Variants in SLC4A10 observed in about 807,000 individuals in gnomAD.
SLC4A10 encodes solute carrier family 4 member 10.
In SLC4A10, 42 loss-of-function variants were observed where a neutral mutation model predicts 137.7. That is an observed-to-expected ratio of 0.30 (90% confidence interval 0.24 to 0.39). The LOEUF (loss-of-function observed/expected upper bound fraction) is 0.39, where lower values mean the gene tolerates loss of function less well. Among genes scored for constraint, SLC4A10 ranks in the 10% least tolerant of loss-of-function variants. The pLI, the probability that SLC4A10 is intolerant of heterozygous loss-of-function variation, is 1.00. For missense variants in SLC4A10, 925 were observed against 1,355.0 expected, an observed-to-expected ratio of 0.68 and a Z score of 4.98; for synonymous variants, 474 against 464.1, an observed-to-expected ratio of 1.02 and a Z score of -0.27.
intron 2 of SLC4A10, among the ~76,000 whole-genome samples, chr2:161,792,033 G>A (rs2054264031): frequency 6.6e-6 from 1 of 152,080 alleles, no homozygotes; most frequent in Non-Finnish European, 1.5e-5. Flanking sequence ...AACTCATATT[G>A]TTAATCTCCC....
chr2:161,861,611 C>T (rs2060438570), intron 5 of SLC4A10, among the ~76,000 whole-genome samples: 1 of 152,080 alleles, frequency 6.6e-6, no homozygotes, highest in African/African-American at 2.4e-5. Context: ...CATATTGAAA[C>T]CACCACAAAT....
intron 24 of SLC4A10, among the ~76,000 whole-genome samples, chr2:161,976,510 A>T (rs1699401752): frequency 6.6e-6 from 1 of 152,222 alleles, no homozygotes; most frequent in African/African-American, 2.4e-5. Flanking sequence ...TTTATAGGAT[A>T]AAAAGAGTTC....
chr2:161,716,264 T>G (rs769093453), intron 1 of SLC4A10, among the ~76,000 whole-genome samples: 1 of 152,084 alleles, frequency 6.6e-6, no homozygotes, highest in Non-Finnish European at 1.5e-5. Flanking sequence ...TGCAAAAATC[T>G]CCCATTCTGT....
intron 1 of SLC4A10, among the ~76,000 whole-genome samples, chr2:161,676,496 A>G (rs185031177): frequency 6.6e-6 from 1 of 152,162 alleles, no homozygotes; most frequent in East Asian, 1.9e-4. Flanking sequence ...ATATTTGGTT[A>G]TCTTTTCTAT....
At chr2:161,670,486 T>TCTTCCTGTATCTCAGGTTTTGAGTC (rs1475905245) in intron 1 of SLC4A10, among the ~76,000 whole-genome samples, 2 of 152,042 alleles carry the variant, frequency 1.3e-5, no homozygotes, top group African/African-American at 4.8e-5. Flanking sequence ...ATCCTTCACT[T>TCTTCCTGTATCTCAGGTTTTGAGTC]CTTCCTGTAT....
intron 6 of SLC4A10, among the ~76,000 whole-genome samples, chr2:161,867,929 C>A (rs183967516): frequency 5.3e-5 from 8 of 151,802 alleles, no homozygotes; most frequent in Admixed American, 4.6e-4. Context: ...ACTCTAAATG[C>A]GTTGAAGGTT....
chr2:161,700,690 G>A (rs1201704423), intron 1 of SLC4A10, among the ~76,000 whole-genome samples: 1 of 152,088 alleles, frequency 6.6e-6, no homozygotes, highest in Admixed American at 6.6e-5. Context: ...CTTAAGGTTG[G>A]AAGCTCAAGC....
intron 2 of SLC4A10, among the ~76,000 whole-genome samples, chr2:161,772,155 A>T (rs2051700638): frequency 2.0e-5 from 3 of 151,856 alleles, no homozygotes; most frequent in Admixed American, 2.0e-4. Flanking sequence ...GGGCCTATTG[A>T]TTTCCTATGC....
At chr2:161,768,728 C>G (rs1314477311) in intron 1 of SLC4A10, among the ~76,000 whole-genome samples, 3 of 152,088 alleles carry the variant, frequency 2.0e-5, no homozygotes, top group Non-Finnish European at 2.9e-5. Context: ...CTGAATCAGA[C>G]TATTCTGATT....
intron 4 of SLC4A10, among the ~76,000 whole-genome samples, chr2:161,851,515 T>C (rs2059834305): frequency 6.6e-6 from 1 of 152,204 alleles, no homozygotes; most frequent in African/African-American, 2.4e-5. Flanking sequence ...CATTCTTTTC[T>C]GAAATAAAAA....
chr2:161,853,566 G>T (rs777668176), intron 4 of SLC4A10, among the ~76,000 whole-genome samples: 14 of 152,194 alleles, frequency 9.2e-5, no homozygotes, highest in Admixed American at 6.5e-5. Flanking sequence ...GTTATGACAT[G>T]ATATGACCAT....
chr2:161,680,312 G>A (rs1461672092), intron 1 of SLC4A10, among the ~76,000 whole-genome samples: 1 of 152,176 alleles, frequency 6.6e-6, no homozygotes, highest in African/African-American at 2.4e-5. Context: ...TAAGCCACCT[G>A]CCAGTATATG....
intron 1 of SLC4A10, among the ~76,000 whole-genome samples, chr2:161,718,964 A>G (rs574400029): frequency 3.9e-5 from 6 of 152,266 alleles, no homozygotes; most frequent in Non-Finnish European, 8.8e-5. Context: ...CAGGATAGTT[A>G]CATATGTATA....
chr2:161,904,393 G>T (rs1036497241), intron 13 of SLC4A10, among the ~76,000 whole-genome samples: 1 of 152,042 alleles, frequency 6.6e-6, no homozygotes, highest in African/African-American at 2.4e-5. Flanking sequence ...CTTACAAAAG[G>T]TTCTCATCTG....
intron 11 of SLC4A10, among the ~76,000 whole-genome samples, chr2:161,896,479 G>T (rs1312386521): frequency 6.6e-6 from 1 of 152,054 alleles, no homozygotes; most frequent in East Asian, 1.9e-4. Flanking sequence ...GATGGGGCTG[G>T]CATTGAATCT....
chr2:161,674,906 A>G (rs1312722480), intron 1 of SLC4A10, among the ~76,000 whole-genome samples: 2 of 152,214 alleles, frequency 1.3e-5, no homozygotes, highest in African/African-American at 2.4e-5. Flanking sequence ...CCATTCAGGC[A>G]TTAAAAATAA....
chr2:161,758,697 A>T (rs935806792), intron 1 of SLC4A10, among the ~76,000 whole-genome samples: 3 of 151,996 alleles, frequency 2.0e-5, no homozygotes, highest in Non-Finnish European at 4.4e-5. Flanking sequence ...AAAGGGCAAC[A>T]TTTTATTAAT....
At chr2:161,981,756 A>G (rs1700247247) in intron 26 of SLC4A10, among the ~76,000 whole-genome samples, 3 of 152,154 alleles carry the variant, frequency 2.0e-5, no homozygotes, top group Admixed American at 1.3e-4. Context: ...TTTCTCATGG[A>G]AGGAGAAAAG....
chr2:161,734,744 TA>T (rs1025818011), intron 1 of SLC4A10, among the ~76,000 whole-genome samples: 15 of 149,734 alleles, frequency 1.0e-4, no homozygotes, highest in Admixed American at 5.3e-4. Flanking sequence ...TCTGTATATA[TA>T]TTTTTTTTCT....
Sources: allele counts gnomAD v4.1 joint callset (sites outside exome capture counted in the v4.1 genomes callset), GRCh38; gene constraint gnomAD v4.1.1; transcripts MANE v1.5; gene names NCBI Gene and HGNC (gene_info 2026-07-23, HGNC 2026-07-21).